THSD7A: variants seen among roughly 807,000 people sequenced by gnomAD.
The protein encoded by THSD7A is thrombospondin type-1 domain-containing protein 7A.
THSD7A carries 96 observed loss-of-function variants against 231.3 expected under a neutral mutation model. The observed-to-expected ratio is 0.41, with a 90% CI of 0.35 to 0.49. The LOEUF (loss-of-function observed/expected upper bound fraction) is 0.49. Ranked by LOEUF, THSD7A falls within the 20% of genes least tolerant of loss-of-function variation. The pLI is 0.05. For missense variants in THSD7A, 2,290 were observed against 2,070.2 expected (o/e 1.11, Z -2.06); for synonymous variants, 940 against 743.3 (o/e 1.26, Z -4.30).
intron 1 of THSD7A, among the ~76,000 whole-genome samples, chr7:11,692,400 T>C (rs564613225): frequency 1.3e-5 from 2 of 151,580 alleles, no homozygotes; most frequent in Non-Finnish European, 1.5e-5. Context: ...CTCTATCATT[T>C]CCCACTGAAA....
chr7:11,649,773 C>A lies in THSD7A; in HGVS notation c.191-12812G>T, dbSNP rs187133618. Among the ~76,000 whole-genome samples, 304 of 152,156 alleles carry A rather than the reference C, an allele frequency of 2.0e-3. 1 individual carries two copies. The highest frequency in any genetic ancestry group is 7.0e-3 in the African/African-American group (292 of 41,542). The stretch of plus-strand genomic sequence containing the variant: ...GGAAGTCGAAATTATATCCAATTAA[C>A]TGGGTGATCTAGCTAAGATTTCCAC... On this transcript the variant is annotated intron_variant, in intron 1 of 27. Coordinates refer to ENST00000423059, the MANE Select transcript of THSD7A (RefSeq NM_015204.3).
intron 6 of THSD7A, among the ~76,000 whole-genome samples, chr7:11,489,830 A>G (rs943071443): frequency 6.6e-6 from 1 of 152,042 alleles, no homozygotes; most frequent in African/African-American, 2.4e-5. Flanking sequence ...GTCTGGTACA[A>G]CTTTAACAAA....
At chr7:11,747,853 T>G (rs1299603549) in intron 1 of THSD7A, among the ~76,000 whole-genome samples, 1 of 151,934 alleles carries the variant, frequency 6.6e-6, no homozygotes, top group Non-Finnish European at 1.5e-5. Context: ...CAAGTAGAGA[T>G]TCTTGGCAGA....
chr7:11,736,171 G>T (rs1781906181), intron 1 of THSD7A, among the ~76,000 whole-genome samples: 1 of 151,772 alleles, frequency 6.6e-6, no homozygotes, highest in Admixed American at 6.6e-5. Flanking sequence ...TGTAGAGAGA[G>T]AAAATAAAGC....
chr7:11,436,853 G>A (rs1366155703), intron 13 of THSD7A, among the ~76,000 whole-genome samples: 1 of 151,920 alleles, frequency 6.6e-6, no homozygotes, highest in Non-Finnish European at 1.5e-5. Context: ...AAAGGGAGGG[G>A]AAAGTGTTAT....
At chr7:11,437,359 A>T (rs1784665540) in intron 13 of THSD7A, among the ~76,000 whole-genome samples, 1 of 151,972 alleles carries the variant, frequency 6.6e-6, no homozygotes. Context: ...ACCTTATTTA[A>T]ATTCGACCCT....
chr7:11,407,683 T>C (rs781062482), intron 19 of THSD7A, among the ~76,000 whole-genome samples: 1 of 152,190 alleles, frequency 6.6e-6, no homozygotes, highest in Non-Finnish European at 1.5e-5. Flanking sequence ...CAATAAGCAA[T>C]GTAGAAAAGT....
In THSD7A at chr7:11,636,259, T is replaced by A; in HGVS notation, c.893A>T (p.Glu298Val). The change falls in exon 2 of 28, where the codon GAG (glutamate) becomes GTG (valine). Residue 298 changes from glutamate (E) to valine (V), a missense_variant. Physicochemically the swap from Glu to Val is moderately radical, Grantham distance 121. Transcript: ENST00000423059. The surrounding 1 kb of genome is among the most constrained non-coding windows in gnomAD (Gnocchi z 10.0). ...TCTGTTTCTCTTTTTCTTAATAAGCTCGCGGGCTTCTGGATCCTTTACTCC... is the reference window on the plus strand; with the variant it reads ...TCTGTTTCTCTTTTTCTTAATAAGCACGCGGGCTTCTGGATCCTTTACTCC... ...SKGVKDPEARELIKKKRNRNR... is the reference protein window; with the variant it reads ...SKGVKDPEARVLIKKKRNRNR... The A allele has an allele frequency of 6.2e-7, 1 of 1,614,054 alleles. No individual in the cohort carries two copies. The highest frequency in any genetic ancestry group is 8.5e-7 in the Non-Finnish European group (1 of 1,179,902).
intron 4 of THSD7A, among the ~76,000 whole-genome samples, chr7:11,557,951 G>A (rs751506633): frequency 6.6e-6 from 1 of 152,134 alleles, no homozygotes; most frequent in Non-Finnish European, 1.5e-5. Context: ...GTATGGCCAT[G>A]TTATTTTTGT....
intron 6 of THSD7A, among the ~76,000 whole-genome samples, chr7:11,495,410 C>A (rs1019420713): frequency 2.6e-5 from 4 of 151,950 alleles, no homozygotes; most frequent in Non-Finnish European, 5.9e-5. Flanking sequence ...GAGAAATAAA[C>A]AGCACTTATA....
At chr7:11,647,501 A>G (rs1183226394) in intron 1 of THSD7A, among the ~76,000 whole-genome samples, 1 of 152,096 alleles carries the variant, frequency 6.6e-6, no homozygotes, top group Non-Finnish European at 1.5e-5. Context: ...TACTACTCAA[A>G]TTAGAAGAGC....
At chr7:11,604,956 G>C (rs2128346243) in intron 2 of THSD7A, among the ~76,000 whole-genome samples, 1 of 151,890 alleles carries the variant, frequency 6.6e-6, no homozygotes, top group South Asian at 2.1e-4. Context: ...TCACACACTG[G>C]GACTCATGTT....
intron 11 of THSD7A, among the ~76,000 whole-genome samples, chr7:11,457,954 C>T (rs1024261246): frequency 8.6e-5 from 13 of 152,038 alleles, no homozygotes; most frequent in African/African-American, 3.1e-4. Flanking sequence ...TGTTAGGTGA[C>T]ATTAACAGTG....
At chr7:11,415,838 T>A (rs962609590) in intron 17 of THSD7A, among the ~76,000 whole-genome samples, 1 of 152,208 alleles carries the variant, frequency 6.6e-6, no homozygotes, top group Non-Finnish European at 1.5e-5. Flanking sequence ...TTACTCATTT[T>A]GTTTGTCACA....
At position 11,375,890 on chromosome 7, in the gene THSD7A, T is replaced by A. The variant is rs376611769; in HGVS notation, c.4890-12A>T. ...TCTTTGGCTTTTTGCTGTAAAAAAA[T>A]TCGGAATTAGGAGAAAGAAAATCAG... On this transcript the variant is annotated splice_polypyrimidine_tract_variant and intron_variant, in intron 27 of 27. Transcript: ENST00000423059. 1.1e-5 allele frequency: 18 copies of A among 1,611,606 alleles called. No homozygotes were observed. In the African/African-American group the frequency reaches 2.1e-4, roughly 19 times the overall value.
intron 7 of THSD7A, among the ~76,000 whole-genome samples, chr7:11,481,389 C>T (rs1283240279): frequency 2.0e-5 from 3 of 151,968 alleles, no homozygotes; most frequent in Non-Finnish European, 2.9e-5. Flanking sequence ...GATATATATA[C>T]TTATTTATGA....
Position 11,541,466 on chromosome 7 carries a change from C to T in THSD7A, c.1775G>A (p.Cys592Tyr). ...CTCTTGAACTTGCGTGCCTGGACCA[C>T]ACTCCTTTCCGTTATCTGGCTCGCA... ...GNCEPDNGKE[C>Y]GPGTQVQEVV... is the part of the protein sequence containing the mutation. Residue 592 changes from cysteine (C) to tyrosine (Y), a missense_variant, in exon 6 of 28, where the codon TGT becomes TAT. By Grantham distance (194) the Cys-to-Tyr change is radical. Coordinates refer to ENST00000423059, the MANE Select transcript of THSD7A (RefSeq NM_015204.3). 6.2e-7 allele frequency: 1 copy of T among 1,613,968 alleles called. No individual in the cohort carries two copies. The highest frequency in any genetic ancestry group is 8.5e-7 in the Non-Finnish European group (1 of 1,179,892).
In THSD7A at chr7:11,415,722, A is replaced by G. The variant is rs577272348; in HGVS notation, c.3537+1728T>C. Among the ~76,000 whole-genome samples, 193 of 152,314 alleles carry G rather than the reference A, an allele frequency of 1.3e-3. 1 individual carries two copies. The highest frequency in any genetic ancestry group is 0.01 in the Middle Eastern group (3 of 294). On this transcript the variant is annotated intron_variant, in intron 17 of 27. Coordinates refer to ENST00000423059, the MANE Select transcript of THSD7A (RefSeq NM_015204.3). ...CTTCCCCCATTTAAGGGAAAGTATAAACATAAAACCTCCTGAACACCTCTT... is the reference window on the plus strand; with the variant it reads ...CTTCCCCCATTTAAGGGAAAGTATAGACATAAAACCTCCTGAACACCTCTT...
intron 4 of THSD7A, among the ~76,000 whole-genome samples, chr7:11,575,209 G>T (rs1324706195): frequency 6.6e-6 from 1 of 152,076 alleles, no homozygotes; most frequent in Non-Finnish European, 1.5e-5. Context: ...TTGATCTATA[G>T]ACAGAAACTT....
Sources: gnomAD v4.1 joint callset for allele counts (sites outside exome capture counted in the v4.1 genomes callset) on GRCh38, gnomAD v4.1.1 for gene constraint, Gnocchi (gnomAD v3.1) non-coding constraint, MANE v1.5 for transcripts, NCBI Gene and HGNC (gene_info 2026-07-23, HGNC 2026-07-21) for gene names.